Variants in CASKIN2 observed in about 807,000 individuals in gnomAD.
CASKIN2 encodes CASK interacting protein 2.
In CASKIN2, 41 loss-of-function variants were observed where a neutral mutation model predicts 107.1. That is an observed-to-expected ratio of 0.38 (90% confidence interval 0.30 to 0.50). The LOEUF is 0.50. Ranked by LOEUF, CASKIN2 falls within the 20% of genes least tolerant of loss-of-function variation. The pLI, the probability that CASKIN2 is intolerant of heterozygous loss-of-function variation, is 0.92. For synonymous variants in CASKIN2, 724 were observed against 705.6 expected (o/e 1.03, Z -0.41); for missense variants, 1,546 against 1,657.4 (o/e 0.93, Z 1.17).
chr17:75,506,733 G>T lies in CASKIN2; in HGVS notation c.487-20C>A. The T allele has an allele frequency of 6.2e-7, 1 of 1,613,668 alleles. No individual in the cohort carries two copies. The highest frequency in any genetic ancestry group is 8.5e-7 in the Non-Finnish European group (1 of 1,179,988). ...GGCCACCTGCAGCACCCAGTGCCCA[G>T]TTAGAGCCTCCTCCTGAGACCCTGT... On this transcript the variant is annotated intron_variant, in intron 6 of 19. Transcript: ENST00000321617. The surrounding 1 kb of genome is among the most constrained non-coding windows in gnomAD (Gnocchi z 4.8).
At chr17:75,510,211 C>T (rs181197389) in intron 2 of CASKIN2, among the ~76,000 whole-genome samples, 39 of 152,260 alleles carry the variant, frequency 2.6e-4, no homozygotes, top group African/African-American at 7.0e-4. Context: ...GGGAGTGGTG[C>T]GGCGAGGGGC....
intron 2 of CASKIN2, among the ~76,000 whole-genome samples, chr17:75,510,907 C>T (rs2053310739): frequency 6.6e-6 from 1 of 151,898 alleles, no homozygotes; most frequent in African/African-American, 2.4e-5. Context: ...GCCCAGTCTG[C>T]ACTTTTGAAA....
rs752504480 is a variant in CASKIN2 at position 75,501,694 on chromosome 17, C to A, written c.3296-4G>T. 1.3e-5 allele frequency: 20 copies of A among 1,554,398 alleles called. No homozygotes were observed. In the East Asian group the frequency reaches 4.1e-4, roughly 32 times the overall value. ...GACACAGGCTTGGGGGCTGTTCCTG[C>A]AGAGACAAAAAGGTTGGCTTGGGAC... On this transcript the variant is annotated splice_region_variant and splice_polypyrimidine_tract_variant and intron_variant, in intron 18 of 19. Transcript: ENST00000321617.
At chr17:75,509,798 TC>T in intron 2 of CASKIN2, 1 of 985,544 alleles carries the variant, frequency 1.0e-6, no homozygotes, top group Non-Finnish European at 1.2e-6. Flanking sequence ...TGCCCACTCT[TC>T]CATTAGCCCT....
rs1276885263 is a variant in CASKIN2 at position 75,502,550 on chromosome 17, T to G, written c.2524A>C (p.Ser842Arg). The change falls in exon 18 of 20, where the codon AGT (serine) becomes CGT (arginine). Residue 842 changes from serine (S) to arginine (R), a missense_variant. Ser to Arg is a moderately radical substitution (Grantham distance 110). Around this residue, in one of 6 missense-constraint regions of CASKIN2, gnomAD observed 1,311 missense variants for 1,311.0 expected, o/e 1.00. Transcript: ENST00000321617. The surrounding 1 kb of genome is among the most constrained non-coding windows in gnomAD (Gnocchi z 4.3). Reference sequence around the variant, plus strand: ...GCTGGGGTTGGGGTCACACTAGGACTGGTCCGGACAAGGGCACTGCGTCCT... The same window carrying G: ...GCTGGGGTTGGGGTCACACTAGGACGGGTCCGGACAAGGGCACTGCGTCCT... ...RPGRSALVRT[S>R]PSVTPTPARG... is the part of the protein sequence containing the mutation. 1.3e-6 allele frequency: 2 copies of G among 1,557,884 alleles called. No homozygotes were observed. The highest frequency in any genetic ancestry group is 1.7e-6 in the Non-Finnish European group (2 of 1,148,640).
chr17:75,506,479 G>A lies in CASKIN2; in HGVS notation c.618-66C>T. The A allele has an allele frequency of 1.3e-6, 2 of 1,585,110 alleles. No homozygotes were observed. The highest frequency in any genetic ancestry group is 1.7e-6 in the Non-Finnish European group (2 of 1,162,562). On this transcript the variant is annotated intron_variant, in intron 7 of 19. Transcript: ENST00000321617. This position sits in a 1 kb window ranked among gnomAD's most constrained non-coding sequence, Gnocchi z 4.8. ...AGGGGGTGCTGACTGCTGGGGGCCT[G>A]GGAGATGGAGAGCCCGGGTGAAAAG... is the stretch of plus-strand genomic sequence containing the variant.
chr17:75,513,002 T>G (rs1209119982), intron 2 of CASKIN2, among the ~76,000 whole-genome samples: 2 of 152,108 alleles, frequency 1.3e-5, no homozygotes. Context: ...GGGATGAAGT[T>G]CTATCTATTC....
intron 2 of CASKIN2, chr17:75,509,485 T>C: frequency 1.2e-6 from 1 of 812,460 alleles, no homozygotes; most frequent in South Asian, 5.6e-5. Flanking sequence ...ACAGCTACAT[T>C]GAGGGCCAAA....
chr17:75,504,632 G>C lies in CASKIN2; in HGVS notation c.1254C>G (p.Ser418Arg). Residue 418 changes from serine to arginine, a missense_variant, in exon 12 of 20, where the codon AGC (serine) becomes AGG (arginine). Ser to Arg is a moderately radical substitution (Grantham distance 110). Coordinates refer to ENST00000321617, the MANE Select transcript of CASKIN2 (RefSeq NM_020753.5). Reference protein sequence around the residue: ...GSVGSIRSAGSGQSSEGTNGH... With the variant: ...GSVGSIRSAGRGQSSEGTNGH... ...CATTAGTGCCCTCAGAGCTCTGCCC[G>C]CTGCCGGCACTGCGGATGCTGCCCA... 6.2e-7 allele frequency: 1 copy of C among 1,608,146 alleles called. No individual in the cohort carries two copies. Among genetic ancestry groups the C allele is most frequent in the Non-Finnish European group, 8.5e-7 (1 of 1,176,688 alleles).
chr17:75,500,705 C>A lies in CASKIN2; in HGVS notation c.*375G>T. On this transcript the variant is annotated 3_prime_UTR_variant, in exon 20 of 20. Coordinates refer to ENST00000321617, the MANE Select transcript of CASKIN2 (RefSeq NM_020753.5). ...GATGGTGGGTGGCAAGAGGCATTCC[C>A]TTGGCACAACTTGGGACATGGGCTG... The A allele has an allele frequency of 3.8e-6, 1 of 262,398 alleles. No individual in the cohort carries two copies. Among genetic ancestry groups the A allele is most frequent in the South Asian group, 3.8e-5 (1 of 26,422 alleles). The allele number at this position is 262,398 out of a possible 1,614,324, so 16.3% of individuals were successfully genotyped here.
At position 75,501,700 on chromosome 17, in the gene CASKIN2, CA is replaced by C; in HGVS notation, c.3296-11del. On this transcript the variant is annotated splice_polypyrimidine_tract_variant and intron_variant, in intron 18 of 19. Transcript: ENST00000321617. ...GGCTTGGGGGCTGTTCCTGCAGAGA[CA>C]AAAAGGTTGGCTTGGGACTTGGCTG... 1 of 1,548,334 alleles carries C rather than the reference CA, an allele frequency of 6.5e-7. No homozygotes were observed. The highest frequency in any genetic ancestry group is 8.7e-7 in the Non-Finnish European group (1 of 1,147,232).
In CASKIN2 at chr17:75,506,297, A is replaced by G; in HGVS notation, c.726+8T>C. ...GACACCTGCGAGGGAGCAGGGGCCC[A>G]TACCCACCTCCAGAAGCAGCCGCAC... is the stretch of plus-strand genomic sequence containing the variant. On this transcript the variant is annotated splice_region_variant and intron_variant, in intron 8 of 19. Transcript: ENST00000321617. The surrounding 1 kb of genome is among the most constrained non-coding windows in gnomAD (Gnocchi z 4.8). The G allele has an allele frequency of 6.2e-7, 1 of 1,604,704 alleles. No homozygotes were observed. The highest frequency in any genetic ancestry group is 8.5e-7 in the Non-Finnish European group (1 of 1,174,174).
chr17:75,502,679 G>A lies in CASKIN2; in HGVS notation c.2395C>T (p.His799Tyr). The A allele has an allele frequency of 2.5e-6, 4 of 1,601,988 alleles. No individual in the cohort carries two copies. The highest frequency in any genetic ancestry group is 3.4e-6 in the Non-Finnish European group (4 of 1,173,928). ...GTGGGGCCAGGGCGGCTTAGGCTGT[G>A]GGACCGGCGCTTAGGTCGAGGCGGG... ...PDPPRPKRRS[H>Y]SLSRPGPTEG... The change falls in exon 18 of 20, where the codon CAC becomes TAC. Residue 799 changes from histidine (H) to tyrosine (Y), a missense_variant. This residue lies in a region of CASKIN2 where 1,311 missense variants were observed against 1,311.0 expected (regional missense o/e 1.00). Coordinates refer to ENST00000321617, the MANE Select transcript of CASKIN2 (RefSeq NM_020753.5). This position sits in a 1 kb window ranked among gnomAD's most constrained non-coding sequence, Gnocchi z 4.3.
rs760954912 is a variant in CASKIN2 at position 75,504,494 on chromosome 17, G to A, written c.1315-14C>T. Reference sequence around the variant, plus strand: ...AGAGGGCAGTGGCTGGAGGAGACAGGGCAGGAGCCAACTCAGCATTTGGGG... The same window carrying A: ...AGAGGGCAGTGGCTGGAGGAGACAGAGCAGGAGCCAACTCAGCATTTGGGG... On this transcript the variant is annotated splice_polypyrimidine_tract_variant and intron_variant, in intron 12 of 19. Coordinates refer to ENST00000321617, the MANE Select transcript of CASKIN2 (RefSeq NM_020753.5). The A allele has an allele frequency of 3.7e-6, 6 of 1,600,480 alleles. No individual in the cohort carries two copies. Among genetic ancestry groups the A allele is most frequent in the Non-Finnish European group, 4.3e-6 (5 of 1,169,862 alleles).
intron 1 of CASKIN2, among the ~76,000 whole-genome samples, chr17:75,514,748 C>T (rs534345775): frequency 1.3e-5 from 2 of 152,324 alleles, no homozygotes; most frequent in African/African-American, 4.8e-5. Flanking sequence ...TGCTTCTGGC[C>T]CCCCATTTCT....
chr17:75,505,809 C>G lies in CASKIN2; in HGVS notation c.835+12G>C. The G allele has an allele frequency of 1.2e-6, 2 of 1,611,726 alleles. No homozygotes were observed. The highest frequency in any genetic ancestry group is 1.7e-6 in the Non-Finnish European group (2 of 1,179,226). On this transcript the variant is annotated intron_variant, in intron 9 of 19. Coordinates refer to ENST00000321617, the MANE Select transcript of CASKIN2 (RefSeq NM_020753.5). The surrounding 1 kb of genome is among the most constrained non-coding windows in gnomAD (Gnocchi z 5.1). ...CAGGCCCCCTGGGCAGGGTATCCTC[C>G]CCCGCACTCACCCCGCAGTAGCTGC...
intron 2 of CASKIN2, among the ~76,000 whole-genome samples, chr17:75,511,911 G>A (rs1039370115): frequency 1.1e-4 from 11 of 96,000 alleles, no homozygotes; most frequent in Admixed American, 8.0e-4. Flanking sequence ...GCTTGACCAA[G>A]GCCCCACTGG....
intron 4 of CASKIN2, 126 bp from the exon 5 acceptor site, chr17:75,507,255 C>T (rs1346586606): frequency 8.9e-7 from 1 of 1,118,632 alleles, no homozygotes; most frequent in Admixed American, 2.6e-5. Context: ...AATGCTGGCT[C>T]TATCCAGGTG....
At position 75,502,309 on chromosome 17, in the gene CASKIN2, G is replaced by A. The variant is rs532983666; in HGVS notation, c.2765C>T (p.Pro922Leu). ...GPSEPPGPPA[P>L]AGPASDTEEE... ...CTCCGTGTCTGACGCGGGCCCAGCC[G>A]GGGCAGGTGGGCCAGGGGGCTCTGA... The change falls in exon 18 of 20, where the codon CCG becomes CTG. Residue 922 changes from proline to leucine, a missense_variant. By Grantham distance (98) the Pro-to-Leu change is moderately conservative. Coordinates refer to ENST00000321617, the MANE Select transcript of CASKIN2 (RefSeq NM_020753.5). This position sits in a 1 kb window ranked among gnomAD's most constrained non-coding sequence, Gnocchi z 4.3. 1.8e-5 allele frequency: 27 copies of A among 1,490,552 alleles called. No homozygotes were observed. In the Middle Eastern group the frequency reaches 7.3e-4, roughly 41 times the overall value. 92.3% of individuals were successfully genotyped at this position (1,490,552 alleles called of 1,614,324 possible). A position where few individuals can be genotyped will look rare whatever the true frequency, so the allele number is the denominator to read the frequency against.
Sources: gnomAD v4.1 joint callset for allele counts (sites outside exome capture counted in the v4.1 genomes callset) on GRCh38, gnomAD v4.1.1 for gene constraint, gnomAD v4.1.1 regional missense constraint, Gnocchi (gnomAD v3.1) non-coding constraint, MANE v1.5 for transcripts, NCBI Gene and HGNC (gene_info 2026-07-23, HGNC 2026-07-21) for gene names.